The following NXPH2 variants were observed in gnomAD, a reference collection of about 807,000 sequenced individuals.
The protein encoded by NXPH2 is neurexophilin-2.
NXPH2 carries 5 observed loss-of-function variants against 19.8 expected under a neutral mutation model. That is an observed-to-expected ratio of 0.25 (90% confidence interval 0.13 to 0.53). The LOEUF is 0.53. Among genes scored for constraint, NXPH2 ranks in the 20% least tolerant of loss-of-function variants. The pLI is 0.96. For synonymous variants in NXPH2, 154 were observed against 127.4 expected (o/e 1.21, Z -1.41); for missense variants, 289 against 322.8 (o/e 0.90, Z 0.80).
rs148480377 is a variant in NXPH2 at position 138,685,757 on chromosome 2, G to A, written c.52-14092C>T. 3.8e-3 allele frequency among the ~76,000 whole-genome samples: 573 copies of A among 152,276 alleles called. 4 individuals carry two copies. The highest frequency in any genetic ancestry group is 0.013 in the African/African-American group (547 of 41,540). On this transcript the variant is annotated intron_variant, in intron 1 of 1. Coordinates refer to ENST00000272641, the MANE Select transcript of NXPH2 (RefSeq NM_007226.3). ...AAAATCTTAAGTTGAACCAAAGTAAGCTGGGGACAATCTATATAAGGTTAC... is the reference window on the plus strand; with the variant it reads ...AAAATCTTAAGTTGAACCAAAGTAAACTGGGGACAATCTATATAAGGTTAC...
At chr2:138,683,480 A>G (rs1433374128) in intron 1 of NXPH2, among the ~76,000 whole-genome samples, 1 of 152,186 alleles carries the variant, frequency 6.6e-6, no homozygotes, top group Non-Finnish European at 1.5e-5. Flanking sequence ...AGGGATGAGG[A>G]GACGTATACA....
At chr2:138,674,690 G>A (rs535824756) in intron 1 of NXPH2, among the ~76,000 whole-genome samples, 1 of 152,306 alleles carries the variant, frequency 6.6e-6, no homozygotes, top group South Asian at 2.1e-4. Context: ...AGTTTCCTGA[G>A]AATGGAGACA....
rs148393599 is a variant in NXPH2, at chr2:138,713,827, A to T, written c.52-42162T>A. ...GGGAATCCAATGTGTTCCTTATCAA[A>T]CCTTTCTATTTTCAGCGTAAATTAC... On this transcript the variant is annotated intron_variant, in intron 1 of 1. Transcript: ENST00000272641. Among the ~76,000 whole-genome samples the T allele has an allele frequency of 5.0e-3, 768 of 152,182 alleles. 5 individuals carry two copies. The highest frequency in any genetic ancestry group is 0.018 in the African/African-American group (737 of 41,518).
chr2:138,714,099 T>C (rs1014749254), intron 1 of NXPH2, among the ~76,000 whole-genome samples: 1 of 152,134 alleles, frequency 6.6e-6, no homozygotes, highest in African/African-American at 2.4e-5. Context: ...ATACAATAAA[T>C]AGCCCATTTG....
At chr2:138,705,444 A>G (rs1163490892) in intron 1 of NXPH2, among the ~76,000 whole-genome samples, 1 of 152,180 alleles carries the variant, frequency 6.6e-6, no homozygotes, top group South Asian at 2.1e-4. Context: ...AACATGTAGT[A>G]CTATGCTTAT....
chr2:138,773,960 G>GT (rs900352879), intron 1 of NXPH2, among the ~76,000 whole-genome samples: 1 of 152,068 alleles, frequency 6.6e-6, no homozygotes, highest in African/African-American at 2.4e-5. Flanking sequence ...TCACATGCCA[G>GT]TTTTTTTGTT....
At chr2:138,695,206 G>A (rs1170370974) in intron 1 of NXPH2, among the ~76,000 whole-genome samples, 1 of 152,072 alleles carries the variant, frequency 6.6e-6, no homozygotes, top group African/African-American at 2.4e-5. Flanking sequence ...CAAGGGAAAA[G>A]AATTCCAAAT....
chr2:138,722,675 A>G (rs1394926521), intron 1 of NXPH2, among the ~76,000 whole-genome samples: 1 of 152,220 alleles, frequency 6.6e-6, no homozygotes, highest in Non-Finnish European at 1.5e-5. Context: ...AGTCCAGGCT[A>G]GTAGGTGGAA....
At chr2:138,780,027 T>C (rs963167308) in intron 1 of NXPH2, among the ~76,000 whole-genome samples, 164 bp downstream of exon 1, 3 of 152,162 alleles carry the variant, frequency 2.0e-5, no homozygotes, top group African/African-American at 7.2e-5. Flanking sequence ...TCTTCAATTC[T>C]TCCCTTTCGA....
chr2:138,707,088 C>T (rs1334919538), intron 1 of NXPH2, among the ~76,000 whole-genome samples: 2 of 2,582 alleles, frequency 7.7e-4, no homozygotes, highest in African/African-American at 1.5e-3. Flanking sequence ...AGTACTTGCC[C>T]CATGACAAAA....
At chr2:138,776,869 A>G (rs996029974) in intron 1 of NXPH2, among the ~76,000 whole-genome samples, 2 of 152,042 alleles carry the variant, frequency 1.3e-5, no homozygotes, top group African/African-American at 4.8e-5. Flanking sequence ...GGTACTAAAA[A>G]GATGAACTTA....
At chr2:138,756,889 A>G (rs1033889742) in intron 1 of NXPH2, among the ~76,000 whole-genome samples, 1 of 152,182 alleles carries the variant, frequency 6.6e-6, no homozygotes, top group Non-Finnish European at 1.5e-5. Flanking sequence ...GAATGAAGCA[A>G]TATTCAGTGG....
intron 1 of NXPH2, among the ~76,000 whole-genome samples, chr2:138,761,117 T>A (rs1416080305): frequency 6.6e-6 from 1 of 152,086 alleles, no homozygotes; most frequent in Admixed American, 6.5e-5. Context: ...GCCATAAAGA[T>A]CCAAAGATTT....
chr2:138,739,242 C>T (rs10754927), intron 1 of NXPH2, among the ~76,000 whole-genome samples: 141,511 of 152,274 alleles, frequency 0.93, 66,166 homozygotes, highest in East Asian at 1. Context: ...CCACATTAGA[C>T]TAATACACTA....
intron 1 of NXPH2, among the ~76,000 whole-genome samples, chr2:138,728,020 T>C (rs1418099104): frequency 6.6e-6 from 1 of 152,222 alleles, no homozygotes; most frequent in Non-Finnish European, 1.5e-5. Flanking sequence ...GTCTCTGCTA[T>C]GGACTACACT....
Position 138,694,444 on chromosome 2 carries a change from T to C in NXPH2, c.52-22779A>G, listed in dbSNP as rs1284665230. On this transcript the variant is annotated intron_variant, in intron 1 of 1. Transcript: ENST00000272641. ...AGAGAAGCACAAAGGTAGACACCACTGACTCTGTGAAGACAGAGACAATCT... is the reference window on the plus strand; with the variant it reads ...AGAGAAGCACAAAGGTAGACACCACCGACTCTGTGAAGACAGAGACAATCT... Among the ~76,000 whole-genome samples, 3 of 152,236 alleles carry C rather than the reference T, an allele frequency of 2.0e-5. No individual in the cohort carries two copies. In the East Asian group the frequency reaches 5.8e-4, roughly 29 times the overall value.
intron 1 of NXPH2, among the ~76,000 whole-genome samples, chr2:138,760,180 T>C (rs1681988077): frequency 6.6e-6 from 1 of 152,184 alleles, no homozygotes; most frequent in African/African-American, 2.4e-5. Flanking sequence ...AACCCAACTC[T>C]ACATCAGACA....
In NXPH2 at chr2:138,762,711, C is replaced by T. The variant is rs528711271; in HGVS notation, c.51+17480G>A. On this transcript the variant is annotated intron_variant, in intron 1 of 1. Transcript: ENST00000272641. Reference sequence around the variant, plus strand: ...AAGATGGGATGTTGTGGATGACAGCCTAAGATAGGATGCCTTCATCAAATG... The same window carrying T: ...AAGATGGGATGTTGTGGATGACAGCTTAAGATAGGATGCCTTCATCAAATG... 7.2e-5 allele frequency among the ~76,000 whole-genome samples: 11 copies of T among 152,270 alleles called. No individual in the cohort carries two copies. The East Asian group carries it at 1.7e-3, about 24-fold the overall frequency.
intron 1 of NXPH2, among the ~76,000 whole-genome samples, chr2:138,714,430 C>T (rs1021858186): frequency 6.6e-6 from 1 of 152,066 alleles, no homozygotes; most frequent in African/African-American, 2.4e-5. Context: ...CTCTGAATTA[C>T]TAGAAATGGG....
Sources: allele counts gnomAD v4.1 joint callset (sites outside exome capture counted in the v4.1 genomes callset), GRCh38; gene constraint gnomAD v4.1.1; transcripts MANE v1.5; gene names NCBI Gene and HGNC (gene_info 2026-07-23, HGNC 2026-07-21).